SCOC: variants seen among roughly 807,000 people sequenced by gnomAD.
SCOC encodes short coiled coil protein.
Under a neutral mutation model 9.9 loss-of-function variants are expected in SCOC, and 7 were observed. The ratio of observed to expected loss-of-function variants is 0.71; its 90% CI spans 0.40 to 1.33. The LOEUF (loss-of-function observed/expected upper bound fraction) is 1.33, where lower values mean the gene tolerates loss of function less well. Ranked by LOEUF, SCOC falls within the 40% of genes most tolerant of loss-of-function variation. The pLI, the probability that SCOC is intolerant of heterozygous loss-of-function variation, is 0.01. For synonymous variants in SCOC, 19 were observed against 28.2 expected (o/e 0.67, Z 1.03); for missense variants, 66 against 89.7 (o/e 0.74, Z 1.07).
At chr4:140,358,601 T>C (rs1219883758) in intron 2 of SCOC, among the ~76,000 whole-genome samples, 1 of 152,222 alleles carries the variant, frequency 6.6e-6, no homozygotes, top group Non-Finnish European at 1.5e-5. Flanking sequence ...TCCTAAGGTG[T>C]TCATTGTATG....
intron 2 of SCOC, chr4:140,366,377 G>A (rs866440642): frequency 1.0e-5 from 13 of 1,267,900 alleles, no homozygotes; most frequent in South Asian, 2.9e-5. Flanking sequence ...TGCCTGCAGC[G>A]GTCATCTTTT....
intron 2 of SCOC, among the ~76,000 whole-genome samples, chr4:140,353,399 CTT>C (rs1560715412): frequency 6.6e-6 from 1 of 151,182 alleles, no homozygotes; most frequent in Non-Finnish European, 1.5e-5. Context: ...TATTCATTTT[CTT>C]TTTTTCTTTT....
intron 2 of SCOC, among the ~76,000 whole-genome samples, chr4:140,368,046 A>C (rs1317013307): frequency 6.6e-6 from 1 of 152,114 alleles, no homozygotes; most frequent in African/African-American, 2.4e-5. Context: ...AAAGTGACTA[A>C]CTCCCTGCAG....
At chr4:140,335,281 G>A (rs907160304) in intron 1 of SCOC, among the ~76,000 whole-genome samples, 3 of 152,308 alleles carry the variant, frequency 2.0e-5, no homozygotes, top group African/African-American at 7.2e-5. Context: ...CCACTTCCTG[G>A]CTGTGGGTCA....
intron 1 of SCOC, among the ~76,000 whole-genome samples, chr4:140,292,690 G>A (rs567980961): frequency 2.6e-5 from 4 of 152,278 alleles, no homozygotes; most frequent in African/African-American, 4.8e-5. Context: ...AGGAGGGGAC[G>A]TTGCTGTATC....
At chr4:140,306,167 G>A (rs996998832) in intron 1 of SCOC, among the ~76,000 whole-genome samples, 2 of 152,146 alleles carry the variant, frequency 1.3e-5, no homozygotes, top group Non-Finnish European at 2.9e-5. Flanking sequence ...AGGTGAATGA[G>A]GATCATAGTC....
chr4:140,276,236 T>A (rs547246562), intron 1 of SCOC, among the ~76,000 whole-genome samples: 3 of 152,202 alleles, frequency 2.0e-5, no homozygotes, highest in South Asian at 2.1e-4. Context: ...TCTCCTGTCC[T>A]CGTGATCCGC....
chr4:140,297,653 C>T (rs1578784024), intron 1 of SCOC, among the ~76,000 whole-genome samples: 1 of 152,046 alleles, frequency 6.6e-6, no homozygotes, highest in Non-Finnish European at 1.5e-5. Flanking sequence ...ATTAATACAT[C>T]AAGGAATAAG....
At chr4:140,350,212 C>A (rs1302992255) in intron 2 of SCOC, among the ~76,000 whole-genome samples, 1 of 152,056 alleles carries the variant, frequency 6.6e-6, no homozygotes, top group South Asian at 2.1e-4. Context: ...GATTTCCTTT[C>A]TCCTTTCTAA....
chr4:140,379,959 AAAC>A (rs1223798292), intron 3 of SCOC, among the ~76,000 whole-genome samples: 2 of 152,174 alleles, frequency 1.3e-5, no homozygotes, highest in Non-Finnish European at 2.9e-5. Context: ...TTTAAAGTAA[AAAC>A]AATGTATTAG....
intron 2 of SCOC, 46 bp from the exon 3 acceptor site, chr4:140,379,523 T>TA (rs2126601229): frequency 7.3e-7 from 1 of 1,368,242 alleles, no homozygotes; most frequent in East Asian, 2.3e-5. Flanking sequence ...CCTACACAAA[T>TA]GTACCTAATG....
exon 2 of SCOC, chr4:140,343,651 A>G (rs147692515): frequency 6.4e-5 from 103 of 1,613,652 alleles, no homozygotes; most frequent in African/African-American, 5.2e-4. Context: ...GGACGGGTCC[A>G]GGAAAGAGGA....
chr4:140,259,732 T>C (rs951217623), intron 1 of SCOC, among the ~76,000 whole-genome samples: 4 of 152,116 alleles, frequency 2.6e-5, no homozygotes, highest in African/African-American at 9.7e-5. Flanking sequence ...GCTAAATAAA[T>C]AATGTTTTCT....
rs147538328 is a variant in SCOC, at chr4:140,373,726, C to T, written c.-51+9C>T. 3.2e-6 allele frequency: 5 copies of T among 1,544,842 alleles called. No individual in the cohort carries two copies. The highest frequency in any genetic ancestry group is 2.0e-5 in the Admixed American group (1 of 50,972). On this transcript the variant is annotated intron_variant, in intron 1 of 3. Coordinates refer to ENST00000608372, the MANE Select transcript of SCOC (RefSeq NM_001153484.2). ...GGCGCCTCAAGCGGAAGGTGAGGGCCGTCCCGGGCAGCGGAGGGCCTGGCC... is the reference window on the plus strand; with the variant it reads ...GGCGCCTCAAGCGGAAGGTGAGGGCTGTCCCGGGCAGCGGAGGGCCTGGCC...
At chr4:140,290,162 C>A (rs375533593) in intron 1 of SCOC, among the ~76,000 whole-genome samples, 12 of 152,342 alleles carry the variant, frequency 7.9e-5, no homozygotes, top group South Asian at 6.2e-4. Context: ...TAAGAAAATG[C>A]TGATACTCTG....
chr4:140,301,209 A>G (rs73855731), intron 1 of SCOC, among the ~76,000 whole-genome samples: 1,866 of 152,224 alleles, frequency 0.012, 35 homozygotes, highest in African/African-American at 0.042. Context: ...GGAATGTACA[A>G]GTGAAGGAAC....
At chr4:140,317,805 G>A (rs889495434) in intron 1 of SCOC, among the ~76,000 whole-genome samples, 21 of 150,034 alleles carry the variant, frequency 1.4e-4, no homozygotes, top group South Asian at 2.1e-4. Context: ...CCACTAACTC[G>A]TCATCTAGCA....
intron 1 of SCOC, among the ~76,000 whole-genome samples, chr4:140,261,793 G>T (rs2126387911): frequency 6.6e-6 from 1 of 152,294 alleles, no homozygotes; most frequent in South Asian, 2.1e-4. Flanking sequence ...GTGCAAAGGG[G>T]AGGTGAGTTT....
chr4:140,277,405 T>A (rs1731008513), intron 1 of SCOC, among the ~76,000 whole-genome samples: 1 of 152,190 alleles, frequency 6.6e-6, no homozygotes, highest in African/African-American at 2.4e-5. Flanking sequence ...AAATCTTTTA[T>A]TAAAACTCTA....
Sources: gnomAD v4.1 joint callset for allele counts (sites outside exome capture counted in the v4.1 genomes callset) on GRCh38, gnomAD v4.1.1 for gene constraint, MANE v1.5 for transcripts, NCBI Gene and HGNC (gene_info 2026-07-23, HGNC 2026-07-21) for gene names.